NEGR1: variants seen among roughly 807,000 people sequenced by gnomAD.
NEGR1 encodes the protein neuronal growth regulator 1.
A neutral mutation model predicts 40.9 loss-of-function variants in NEGR1; 10 were observed. That is an observed-to-expected ratio of 0.24 (90% confidence interval 0.15 to 0.42). The LOEUF is 0.42. Ranked by LOEUF, NEGR1 falls within the 10% of genes least tolerant of loss-of-function variation. NEGR1 has a pLI of 1.00. For missense variants in NEGR1, 352 were observed against 438.9 expected (o/e 0.80, Z 1.77); for synonymous variants, 185 against 166.8 (o/e 1.11, Z -0.84).
chr1:71,579,603 A>T (rs997059550), intron 6 of NEGR1, among the ~76,000 whole-genome samples: 2 of 138,876 alleles, frequency 1.4e-5, no homozygotes, highest in South Asian at 2.3e-4. Context: ...ACTACTTAAG[A>T]TTTTTTTTTT....
At chr1:72,012,365 T>G (rs1646664465) in intron 1 of NEGR1, among the ~76,000 whole-genome samples, 1 of 152,042 alleles carries the variant, frequency 6.6e-6, no homozygotes, top group South Asian at 2.1e-4. Flanking sequence ...TAACACACTC[T>G]GTGTTCTCAG....
chr1:71,747,614 G>A (rs917635093), intron 3 of NEGR1, among the ~76,000 whole-genome samples: 17 of 152,028 alleles, frequency 1.1e-4, no homozygotes, highest in Admixed American at 2.6e-4. Flanking sequence ...TTGTAGAGAT[G>A]GGGTTTCACC....
In NEGR1 at chr1:72,034,973, TCAC is replaced by T. The variant is rs951040405; in HGVS notation, c.177-99665_177-99663del. Among the ~76,000 whole-genome samples the T allele has an allele frequency of 2.6e-5, 4 of 152,244 alleles. No individual in the cohort carries two copies. In the South Asian group the frequency reaches 8.3e-4, roughly 32 times the overall value. ...ATGGCAGTTCTCACTCTCTTCCTTG[TCAC>T]CACGTTTATGGTGTCATGGCAGCCT... On this transcript the variant is annotated intron_variant, in intron 1 of 6. Coordinates refer to ENST00000357731, the MANE Select transcript of NEGR1 (RefSeq NM_173808.3).
At chr1:72,264,926 A>T (rs1443094278) in intron 1 of NEGR1, among the ~76,000 whole-genome samples, 3 of 150,750 alleles carry the variant, frequency 2.0e-5, no homozygotes, top group Non-Finnish European at 4.5e-5. Context: ...TATTTTATTT[A>T]TGTCATTTTG....
intron 1 of NEGR1, among the ~76,000 whole-genome samples, chr1:71,973,132 C>T (rs1329762750): frequency 2.6e-5 from 4 of 151,904 alleles, no homozygotes; most frequent in African/African-American, 4.8e-5. Context: ...CTGGCTAACA[C>T]GGTGAAACCC....
intron 1 of NEGR1, among the ~76,000 whole-genome samples, chr1:72,051,180 G>T (rs530372218): frequency 6.6e-6 from 1 of 151,530 alleles, no homozygotes; most frequent in East Asian, 1.9e-4. Flanking sequence ...CATATAATTA[G>T]TGTGTAATGC....
chr1:72,280,809 A>T (rs969311591), intron 1 of NEGR1, among the ~76,000 whole-genome samples: 1 of 152,214 alleles, frequency 6.6e-6, no homozygotes, highest in African/African-American at 2.4e-5. Context: ...TTTCAAACAG[A>T]AACATTTCCC....
At chr1:71,438,662 A>G (rs1646526486) in intron 6 of NEGR1, among the ~76,000 whole-genome samples, 1 of 152,214 alleles carries the variant, frequency 6.6e-6, no homozygotes, top group Non-Finnish European at 1.5e-5. Context: ...TACTAACCTT[A>G]GTTATGCTGT....
At chr1:71,481,917 TTC>T (rs1234051979) in intron 6 of NEGR1, among the ~76,000 whole-genome samples, 1 of 151,866 alleles carries the variant, frequency 6.6e-6, no homozygotes, top group African/African-American at 2.4e-5. Context: ...CCCTTTTTTA[TTC>T]TCTGAGCTTT....
At chr1:71,855,736 T>C (rs1407370921) in intron 2 of NEGR1, among the ~76,000 whole-genome samples, 1 of 139,346 alleles carries the variant, frequency 7.2e-6, no homozygotes, top group Non-Finnish European at 1.6e-5. Flanking sequence ...TTTTAGAGAA[T>C]ATTAATGTCA....
At chr1:71,649,907 G>T (rs1001873983) in intron 4 of NEGR1, among the ~76,000 whole-genome samples, 3 of 151,968 alleles carry the variant, frequency 2.0e-5, no homozygotes, top group Non-Finnish European at 4.4e-5. Context: ...AAAATGATGG[G>T]ATTGGCAAAG....
intron 4 of NEGR1, among the ~76,000 whole-genome samples, chr1:71,671,148 T>C (rs1027884859): frequency 6.6e-6 from 1 of 152,184 alleles, no homozygotes. Flanking sequence ...GTTAGTCTAC[T>C]TGAGGTTGAT....
chr1:71,868,914 A>G (rs1660198049), intron 2 of NEGR1, among the ~76,000 whole-genome samples: 1 of 151,996 alleles, frequency 6.6e-6, no homozygotes, highest in Non-Finnish European at 1.5e-5. Flanking sequence ...ATACTGGAAA[A>G]CAGGCCCTTC....
chr1:71,835,094 GC>G (rs1658979657), intron 2 of NEGR1, among the ~76,000 whole-genome samples: 1 of 152,068 alleles, frequency 6.6e-6, no homozygotes, highest in Non-Finnish European at 1.5e-5. Context: ...CAGTTGGCTG[GC>G]TGCCAGCTAC....
At chr1:71,472,245 T>C (rs760466650) in intron 6 of NEGR1, among the ~76,000 whole-genome samples, 3 of 152,134 alleles carry the variant, frequency 2.0e-5, no homozygotes, top group East Asian at 1.9e-4. Context: ...ACGGTATTGA[T>C]TGAAATAGAA....
rs375803692 is a variant in NEGR1, at chr1:72,201,722, T to C, written c.176+80597A>G. Among the ~76,000 whole-genome samples the C allele has an allele frequency of 3.2e-3, 493 of 151,986 alleles. 6 individuals carry two copies. Among genetic ancestry groups the C allele is most frequent in the African/African-American group, 0.011 (471 of 41,504 alleles). On this transcript the variant is annotated intron_variant, in intron 1 of 6. Transcript: ENST00000357731. ...TCAGTGAAATTCAGGGTATGTGATT[T>C]TACCAAACAGATGTCCTATTTCATG...
chr1:71,534,854 G>A (rs1053316754), intron 6 of NEGR1, among the ~76,000 whole-genome samples: 6 of 151,400 alleles, frequency 4.0e-5, no homozygotes, highest in Non-Finnish European at 7.4e-5. Flanking sequence ...AAATGTGAGA[G>A]CATTCTTATC....
At chr1:71,462,961 G>A (rs115989497) in intron 6 of NEGR1, among the ~76,000 whole-genome samples, 2,153 of 152,242 alleles carry the variant, frequency 0.014, 43 homozygotes, top group African/African-American at 0.048. Context: ...CTAGCTGTGG[G>A]TATGCTGTAA....
chr1:72,195,647 A>ATT (rs11392148), intron 1 of NEGR1, among the ~76,000 whole-genome samples: 3,491 of 148,654 alleles, frequency 0.023, 57 homozygotes, highest in African/African-American at 0.036. Context: ...GGAAGTTAAG[A>ATT]TTTTTTTTTT....
Sources: gnomAD v4.1 joint callset for allele counts (sites outside exome capture counted in the v4.1 genomes callset) on GRCh38, gnomAD v4.1.1 for gene constraint, MANE v1.5 for transcripts, NCBI Gene and HGNC (gene_info 2026-07-23, HGNC 2026-07-21) for gene names.